The following TRIO variants were observed in gnomAD, a reference collection of about 807,000 sequenced individuals.
The protein encoded by TRIO is trio Rho guanine nucleotide exchange factor, also known as triple functional domain protein.
In TRIO, 58 loss-of-function variants were observed where a neutral mutation model predicts 351.9. The ratio of observed to expected loss-of-function variants is 0.16; its 90% CI spans 0.13 to 0.21. The LOEUF (loss-of-function observed/expected upper bound fraction) is 0.21, where lower values mean the gene tolerates loss of function less well. TRIO is among the 10% of genes least tolerant of loss of function. The pLI is 1.00. For missense variants in TRIO, 3,201 were observed against 4,027.8 expected (o/e 0.79, Z 5.56); for synonymous variants, 1,758 against 1,595.7 (o/e 1.10, Z -2.42).
At chr5:14,486,315 C>T (rs1755912068) in intron 47 of TRIO, among the ~76,000 whole-genome samples, 1 of 152,244 alleles carries the variant, frequency 6.6e-6, no homozygotes, top group African/African-American at 2.4e-5. Flanking sequence ...GCCACCTCTA[C>T]ACCTTGCGTG....
At chr5:14,328,203 T>C (rs1386886555) in intron 9 of TRIO, among the ~76,000 whole-genome samples, 1 of 152,142 alleles carries the variant, frequency 6.6e-6, no homozygotes, top group Non-Finnish European at 1.5e-5. Flanking sequence ...AACAACGCGC[T>C]CAATACATGA....
Position 14,419,765 on chromosome 5 carries a change from C to G in TRIO, c.4960-13C>G. 1 of 1,613,796 alleles carries G rather than the reference C, an allele frequency of 6.2e-7. No individual in the cohort carries two copies. The highest frequency in any genetic ancestry group is 8.5e-7 in the Non-Finnish European group (1 of 1,179,790). On this transcript the variant is annotated splice_polypyrimidine_tract_variant and intron_variant, in intron 33 of 56. Transcript: ENST00000344204. ...ACTGGCTGACCTGTCCTCTCTTCCT[C>G]TGTTCCCCCCAGCTCTCTGGTGGCT...
intron 38 of TRIO, among the ~76,000 whole-genome samples, chr5:14,472,043 C>A (rs1163851083): frequency 2.0e-5 from 3 of 152,200 alleles, no homozygotes; most frequent in Non-Finnish European, 4.4e-5. Context: ...GAATGAATGA[C>A]TGAACAACAC....
At chr5:14,380,074 C>T (rs1353887646) in intron 20 of TRIO, among the ~76,000 whole-genome samples, 2 of 152,130 alleles carry the variant, frequency 1.3e-5, no homozygotes, top group African/African-American at 2.4e-5. Context: ...CTTTTCTGTG[C>T]GCTGTCTCCC....
intron 1 of TRIO, among the ~76,000 whole-genome samples, chr5:14,206,890 C>T (rs1791493070): frequency 6.6e-6 from 1 of 152,130 alleles, no homozygotes; most frequent in African/African-American, 2.4e-5. Flanking sequence ...CATATATAAT[C>T]ATGTTACATA....
intron 1 of TRIO, among the ~76,000 whole-genome samples, chr5:14,165,802 G>C (rs568464897): frequency 1.3e-5 from 2 of 152,260 alleles, no homozygotes; most frequent in Non-Finnish European, 2.9e-5. Flanking sequence ...GAACTCTACC[G>C]GTGGTGTCAT....
At chr5:14,480,649 G>T (rs1755442957) in intron 43 of TRIO, among the ~76,000 whole-genome samples, 1 of 152,178 alleles carries the variant, frequency 6.6e-6, no homozygotes, top group South Asian at 2.1e-4. Context: ...CAACGCCTAG[G>T]ACCTGGATCT....
intron 46 of TRIO, 81 bp downstream of exon 46, chr5:14,482,854 C>T (rs1755635328): frequency 7.9e-7 from 1 of 1,269,628 alleles, no homozygotes. Flanking sequence ...TTAATGATGA[C>T]ATACCCTGAT....
chr5:14,387,395 C>A, intron 21 of TRIO, 43 bp from the exon 22 acceptor site: 2 of 1,550,080 alleles, frequency 1.3e-6, no homozygotes, highest in South Asian at 2.5e-5. Context: ...TTCTGGCAGT[C>A]GGATTCATTT....
chr5:14,222,508 C>T (rs755244953), intron 1 of TRIO, among the ~76,000 whole-genome samples: 1 of 152,172 alleles, frequency 6.6e-6, no homozygotes, highest in Non-Finnish European at 1.5e-5. Context: ...AAATCATCTG[C>T]TCTGAGACAA....
At chr5:14,299,569 T>C (rs182747819) in intron 7 of TRIO, among the ~76,000 whole-genome samples, 1 of 152,352 alleles carries the variant, frequency 6.6e-6, no homozygotes, top group African/African-American at 2.4e-5. Context: ...TCCTTGAAAT[T>C]CTGATGCTCC....
Position 14,485,077 on chromosome 5 carries a change from C to A in TRIO, c.6666C>A (p.Cys2222Ter). The change falls in exon 47 of 57, where the codon TGC (cysteine) becomes TGA (stop). Residue 2222 changes from cysteine (C) to a stop codon, truncating the protein, a stop_gained. Transcript: ENST00000344204. LOFTEE classifies it high-confidence loss of function. ...GTTTTTTTTTTTTTAAGGTGAGTTG[C>A]CTTTGCCTGGAGGAAAATGTGGAAA... ...FLFKNSIKVS[C>*]LCLEENVEND... is the part of the protein sequence containing the mutation. 2 of 1,532,914 alleles carry A rather than the reference C, an allele frequency of 1.3e-6. No homozygotes were observed. Among genetic ancestry groups the A allele is most frequent in the South Asian group, 1.3e-5 (1 of 78,824 alleles). 95.0% of individuals were successfully genotyped at this position (1,532,914 alleles called of 1,614,324 possible).
chr5:14,280,181 G>A, intron 2 of TRIO, 141 bp from the exon 3 acceptor site: 1 of 707,262 alleles, frequency 1.4e-6, no homozygotes, highest in Non-Finnish European at 2.4e-6. Context: ...TCCTCACTGT[G>A]CCTCAGCTGA....
rs1316140770 is a variant in TRIO at position 14,509,399 on chromosome 5, C to T, written c.*977C>T. On this transcript the variant is annotated 3_prime_UTR_variant, in exon 57 of 57. Transcript: ENST00000344204. The stretch of plus-strand genomic sequence containing the variant: ...GGTTTTGTGTGTGTGTTGGGGTTGG[C>T]GGGTGGGTGGGTAGGGTCGTAGCCC... 6 of 232,988 alleles carry T rather than the reference C, an allele frequency of 2.6e-5. No individual in the cohort carries two copies. The highest frequency in any genetic ancestry group is 1.4e-4 in the African/African-American group (3 of 21,870). The allele number at this position is 232,988 out of a possible 1,614,324, so 14.4% of individuals were successfully genotyped here.
At chr5:14,402,755 T>C (rs1748192669) in intron 31 of TRIO, among the ~76,000 whole-genome samples, 1 of 147,992 alleles carries the variant, frequency 6.8e-6, no homozygotes, top group Non-Finnish European at 1.5e-5. Flanking sequence ...GTATAGATGG[T>C]GGTGGCATAG....
intron 1 of TRIO, among the ~76,000 whole-genome samples, chr5:14,259,210 A>G (rs1581467628): frequency 6.6e-6 from 1 of 152,236 alleles, no homozygotes; most frequent in East Asian, 1.9e-4. Flanking sequence ...ACAGATGCCA[A>G]GAGAGAGGTG....
intron 1 of TRIO, among the ~76,000 whole-genome samples, chr5:14,214,552 T>G (rs1357043821): frequency 6.6e-6 from 1 of 152,166 alleles, no homozygotes; most frequent in Non-Finnish European, 1.5e-5. Flanking sequence ...GGGAAAAAAA[T>G]CTGTTATTTA....
At chr5:14,379,372 A>G (rs1211801098) in intron 20 of TRIO, among the ~76,000 whole-genome samples, 5 of 152,214 alleles carry the variant, frequency 3.3e-5, no homozygotes, top group Non-Finnish European at 4.4e-5. Flanking sequence ...TCTTGTTCCA[A>G]TCTGAAAAAT....
chr5:14,504,772 A>G, intron 55 of TRIO, 179 bp downstream of exon 55: 1 of 756,468 alleles, frequency 1.3e-6, no homozygotes, highest in Non-Finnish European at 2.1e-6. Flanking sequence ...GGCAGAAAGC[A>G]GTGTGGTCTT....
Sources: allele counts gnomAD v4.1 joint callset (sites outside exome capture counted in the v4.1 genomes callset), GRCh38; gene constraint gnomAD v4.1.1; transcripts MANE v1.5; gene names NCBI Gene and HGNC (gene_info 2026-07-23, HGNC 2026-07-21).